DLC1: variants seen among roughly 807,000 people sequenced by gnomAD.
DLC1 encodes rho GTPase-activating protein 7.
DLC1 carries 54 observed loss-of-function variants against 140.3 expected under a neutral mutation model. The ratio of observed to expected loss-of-function variants is 0.38; its 90% CI spans 0.31 to 0.48. The LOEUF is 0.48. Ranked by LOEUF, DLC1 falls within the 20% of genes least tolerant of loss-of-function variation. The pLI is 0.96. For missense variants in DLC1, 2,536 were observed against 1,907.0 expected (o/e 1.33, Z -6.14); for synonymous variants, 986 against 728.1 (o/e 1.35, Z -5.70).
At chr8:13,252,585 C>T (rs1830056445) in intron 5 of DLC1, among the ~76,000 whole-genome samples, 1 of 152,128 alleles carries the variant, frequency 6.6e-6, no homozygotes, top group African/African-American at 2.4e-5. Flanking sequence ...ATCTTATTTA[C>T]TAAGGGCTAT....
At position 13,361,002 on chromosome 8, in the gene DLC1, G is replaced by A. The variant is rs901427478; in HGVS notation, c.1314+32551C>T. The stretch of plus-strand genomic sequence containing the variant: ...TCTCAATACTTGGGGAGGTTGAGGC[G>A]GGCAGAATGTTTGAGCTCAGGAGTT... On this transcript the variant is annotated intron_variant, in intron 4 of 17. Coordinates refer to ENST00000276297, the MANE Select transcript of DLC1 (RefSeq NM_182643.3). Among the ~76,000 whole-genome samples, 4 of 151,936 alleles carry A rather than the reference G, an allele frequency of 2.6e-5. No individual in the cohort carries two copies. In the East Asian group the frequency reaches 5.8e-4, roughly 22 times the overall value.
chr8:13,408,279 A>C (rs1563322718), intron 2 of DLC1, among the ~76,000 whole-genome samples: 2 of 152,206 alleles, frequency 1.3e-5, no homozygotes, highest in African/African-American at 2.4e-5. Context: ...GATAGATAAT[A>C]TTGTTATTTA....
At chr8:13,100,842 G>T in intron 8 of DLC1, 72 bp from the exon 9 acceptor site, 1 of 1,454,980 alleles carries the variant, frequency 6.9e-7, no homozygotes, top group Non-Finnish European at 9.1e-7. Flanking sequence ...TGAGCAGGAG[G>T]CTGCTCATAA....
chr8:13,475,437 G>A (rs1169965631), intron 2 of DLC1, among the ~76,000 whole-genome samples: 1 of 152,178 alleles, frequency 6.6e-6, no homozygotes, highest in Non-Finnish European at 1.5e-5. Flanking sequence ...GCTAAGCACA[G>A]TGGTTAAAAT....
chr8:13,278,430 C>T (rs1411736697), intron 5 of DLC1, among the ~76,000 whole-genome samples: 1 of 152,178 alleles, frequency 6.6e-6, no homozygotes, highest in Non-Finnish European at 1.5e-5. Flanking sequence ...TGCCCTTCAC[C>T]AGATGCTGTT....
intron 1 of DLC1, among the ~76,000 whole-genome samples, chr8:13,541,221 T>C (rs1476981639): frequency 6.6e-6 from 1 of 152,144 alleles, no homozygotes; most frequent in Admixed American, 6.5e-5. Flanking sequence ...ATTTTGATTG[T>C]TTCTAGTTTT....
chr8:13,190,224 T>C (rs1826666509), intron 5 of DLC1, among the ~76,000 whole-genome samples: 1 of 152,202 alleles, frequency 6.6e-6, no homozygotes, highest in Non-Finnish European at 1.5e-5. Context: ...TCCAAGGTGG[T>C]ACTGGCCACA....
chr8:13,214,116 C>G (rs1394174033), intron 5 of DLC1, among the ~76,000 whole-genome samples: 1 of 152,038 alleles, frequency 6.6e-6, no homozygotes, highest in African/African-American at 2.4e-5. Flanking sequence ...AAGATATATT[C>G]TGAGTACAAT....
chr8:13,221,464 G>C (rs895264146), intron 5 of DLC1, among the ~76,000 whole-genome samples: 1 of 150,860 alleles, frequency 6.6e-6, no homozygotes, highest in Admixed American at 6.6e-5. Context: ...TCCAACTCCT[G>C]GGTTCAAGCT....
chr8:13,602,064 C>G (rs1278241600), intron 1 of DLC1, among the ~76,000 whole-genome samples: 2 of 151,718 alleles, frequency 1.3e-5, no homozygotes, highest in African/African-American at 2.4e-5. Context: ...TATAAAGTAC[C>G]CAGCCAAACA....
At position 13,581,150 on chromosome 8, in the gene DLC1, T is replaced by C. The variant is rs558657985; in HGVS notation, c.-126+23387A>G. 5.3e-5 allele frequency among the ~76,000 whole-genome samples: 8 copies of C among 152,306 alleles called. No individual in the cohort carries two copies. In the East Asian group the frequency reaches 1.2e-3, roughly 22 times the overall value. On this transcript the variant is annotated intron_variant, in intron 1 of 1. Coordinates refer to the DLC1 transcript ENST00000631382. ...TTAAGACATCTGCATGCCTGGGAGA[T>C]CTCATTCAGTCAGGGTCAAATTTTA...
At chr8:13,228,581 T>A (rs150167767) in intron 5 of DLC1, among the ~76,000 whole-genome samples, 2,380 of 150,720 alleles carry the variant, frequency 0.016, 23 homozygotes, top group South Asian at 0.036. Flanking sequence ...ACAAAAAAAA[T>A]AAAAATAAAA....
chr8:13,460,348 A>G (rs1055357623), intron 2 of DLC1, among the ~76,000 whole-genome samples: 2 of 152,156 alleles, frequency 1.3e-5, no homozygotes, highest in African/African-American at 2.4e-5. Context: ...CTCCATGAAC[A>G]TTGACTGTCT....
At chr8:13,330,885 T>C (rs1355690881) in intron 4 of DLC1, among the ~76,000 whole-genome samples, 1 of 152,230 alleles carries the variant, frequency 6.6e-6, no homozygotes, top group East Asian at 1.9e-4. Context: ...CAGGTTAGCC[T>C]TATAGGTAGG....
intron 2 of DLC1, among the ~76,000 whole-genome samples, chr8:13,459,838 C>T (rs773971800): frequency 5.3e-5 from 8 of 152,164 alleles, no homozygotes; most frequent in African/African-American, 9.7e-5. Context: ...ACATAACACA[C>T]GCTATAAAAA....
chr8:13,233,845 A>G (rs1038608782), intron 5 of DLC1, among the ~76,000 whole-genome samples: 2 of 152,204 alleles, frequency 1.3e-5, no homozygotes, highest in African/African-American at 4.8e-5. Flanking sequence ...CCATAGGGCT[A>G]GAGAGTCTTG....
At chr8:13,520,124 C>T (rs1451898359) in intron 1 of DLC1, among the ~76,000 whole-genome samples, 3 of 152,176 alleles carry the variant, frequency 2.0e-5, no homozygotes, top group Non-Finnish European at 4.4e-5. Context: ...CATTACTGGG[C>T]ATATACCCAA....
chr8:13,120,370 T>TATATATATATATATATA (rs369581778), intron 5 of DLC1, among the ~76,000 whole-genome samples: 4 of 110,874 alleles, frequency 3.6e-5, no homozygotes, highest in Non-Finnish European at 7.4e-5. Context: ...TATATATATA[T>TATATATATATATATATA]AAAATGTATA....
intron 1 of DLC1, among the ~76,000 whole-genome samples, chr8:13,502,706 G>T (rs1287268589): frequency 6.6e-6 from 1 of 152,092 alleles, no homozygotes; most frequent in Non-Finnish European, 1.5e-5. Context: ...TCACTGGGCC[G>T]CCTTATTTAA....
Sources: allele counts gnomAD v4.1 joint callset (sites outside exome capture counted in the v4.1 genomes callset), GRCh38; gene constraint gnomAD v4.1.1; transcripts MANE v1.5; gene names NCBI Gene and HGNC (gene_info 2026-07-23, HGNC 2026-07-21).